PDE4D: variants seen among roughly 807,000 people sequenced by gnomAD.
PDE4D encodes the protein phosphodiesterase 4D.
PDE4D carries 24 observed loss-of-function variants against 87.4 expected under a neutral mutation model. That is an observed-to-expected ratio of 0.27 (90% CI 0.20 to 0.39). The LOEUF is 0.39. Ranked by LOEUF, PDE4D falls within the 10% of genes least tolerant of loss-of-function variation. PDE4D has a pLI of 1.00. For missense variants in PDE4D, 714 were observed against 1,041.0 expected, an observed-to-expected ratio of 0.69 and a Z score of 4.32; for synonymous variants, 384 against 383.2, an observed-to-expected ratio of 1.00 and a Z score of -0.02.
chr5:59,922,920 A>T (rs1754829125), intron 3 of PDE4D, among the ~76,000 whole-genome samples: 1 of 152,074 alleles, frequency 6.6e-6, no homozygotes. Flanking sequence ...CTCCCATTCC[A>T]GGCCCTGGCT....
intron 1 of PDE4D, among the ~76,000 whole-genome samples, chr5:59,782,649 T>C (rs1433410741): frequency 1.3e-5 from 2 of 152,210 alleles, no homozygotes; most frequent in Non-Finnish European, 2.9e-5. Context: ...TATAAAGGAA[T>C]TTAAAGTCCT....
intron 1 of PDE4D, among the ~76,000 whole-genome samples, chr5:59,695,800 G>A (rs141500115): frequency 1.4e-4 from 22 of 151,764 alleles, no homozygotes; most frequent in African/African-American, 5.1e-4. Context: ...GTAGAGATGG[G>A]GTTTCACCAC....
At chr5:59,597,387 G>A (rs1296532096) in intron 1 of PDE4D, among the ~76,000 whole-genome samples, 1 of 152,054 alleles carries the variant, frequency 6.6e-6, no homozygotes. Flanking sequence ...TAGATGTTCT[G>A]GAGACTGTTC....
chr5:59,827,511 T>C (rs545057366), intron 1 of PDE4D, among the ~76,000 whole-genome samples: 9 of 152,294 alleles, frequency 5.9e-5, no homozygotes, highest in Non-Finnish European at 1.0e-4. Flanking sequence ...TGCTGATTAA[T>C]TAAACCATTC....
intron 5 of PDE4D, among the ~76,000 whole-genome samples, chr5:59,046,381 T>C (rs1760668848): frequency 6.6e-6 from 1 of 151,514 alleles, no homozygotes; most frequent in African/African-American, 2.4e-5. Flanking sequence ...TGTGTGTGCA[T>C]GTATGTAAGG....
intron 1 of PDE4D, among the ~76,000 whole-genome samples, chr5:60,431,298 G>A (rs1253393955): frequency 2.0e-5 from 3 of 149,704 alleles, no homozygotes; most frequent in Non-Finnish European, 4.4e-5. Context: ...CGGGCGGAGG[G>A]GCTCCTCACT....
intron 1 of PDE4D, among the ~76,000 whole-genome samples, chr5:59,807,980 A>T (rs943830886): frequency 5.3e-5 from 8 of 152,214 alleles, no homozygotes; most frequent in African/African-American, 1.7e-4. Flanking sequence ...ATGGATGCCC[A>T]TCATTCATTT....
chr5:60,231,899 G>A (rs1193062629), intron 1 of PDE4D, among the ~76,000 whole-genome samples: 3 of 151,932 alleles, frequency 2.0e-5, no homozygotes, highest in East Asian at 3.9e-4. Context: ...ATAGTTGTAT[G>A]CCAAAAATGA....
rs112396981 is a variant in PDE4D, at chr5:59,273,101, A to G, written c.456-57133T>C. ...CAAGAACAAAGTATTTTGGAGATCA[A>G]CCTGGAAACAAATAAACATCTGAAA... is the stretch of plus-strand genomic sequence containing the variant. On this transcript the variant is annotated intron_variant, in intron 1 of 14. Coordinates refer to ENST00000340635, the MANE Select transcript of PDE4D (RefSeq NM_001104631.2). Among the ~76,000 whole-genome samples, 10 of 152,308 alleles carry G rather than the reference A, an allele frequency of 6.6e-5. 3 individuals are homozygous for G. Among genetic ancestry groups the G allele is most frequent in the African/African-American group, 2.4e-4 (10 of 41,588 alleles).
At chr5:59,485,417 T>C (rs907939869) in intron 1 of PDE4D, among the ~76,000 whole-genome samples, 1 of 152,088 alleles carries the variant, frequency 6.6e-6, no homozygotes, top group Admixed American at 6.6e-5. Flanking sequence ...AAAAAAGATA[T>C]ACCCAGGAAA....
chr5:60,215,991 A>T (rs961221698), intron 1 of PDE4D, among the ~76,000 whole-genome samples: 1 of 152,144 alleles, frequency 6.6e-6, no homozygotes, highest in Non-Finnish European at 1.5e-5. Flanking sequence ...TTTTATACTC[A>T]TGTTGGAGAA....
At chr5:59,604,878 A>C (rs1473706968) in intron 1 of PDE4D, among the ~76,000 whole-genome samples, 1 of 152,074 alleles carries the variant, frequency 6.6e-6, no homozygotes, top group Non-Finnish European at 1.5e-5. Context: ...TAAACCATAC[A>C]TACCATTTCA....
intron 1 of PDE4D, chr5:60,431,251 G>T (rs953622711): frequency 5.1e-6 from 1 of 197,194 alleles, no homozygotes; most frequent in Non-Finnish European, 1.0e-5. Context: ...TGGCTGCCAG[G>T]CGGAGGGGCT....
intron 5 of PDE4D, among the ~76,000 whole-genome samples, chr5:59,095,283 ACAATCTCATAATGAGG>A (rs977907806): frequency 1.3e-4 from 19 of 151,284 alleles, no homozygotes; most frequent in African/African-American, 3.9e-4. Flanking sequence ...ATATTCATTA[ACAATCTCATAATGAGG>A]CATTCTAGAT....
At chr5:59,038,752 G>A (rs1759021150) in intron 6 of PDE4D, 107 bp downstream of exon 6, 1 of 1,091,562 alleles carries the variant, frequency 9.2e-7, no homozygotes, top group East Asian at 3.1e-5. Flanking sequence ...CATGCAGTAA[G>A]CCTAAAAAAC....
chr5:59,647,627 A>G (rs1039255628), intron 1 of PDE4D, among the ~76,000 whole-genome samples: 8 of 152,150 alleles, frequency 5.3e-5, no homozygotes, highest in African/African-American at 1.9e-4. Context: ...GATAAGACTG[A>G]AGAAGGATGG....
intron 1 of PDE4D, among the ~76,000 whole-genome samples, chr5:59,332,942 T>A (rs1035512084): frequency 5.3e-5 from 8 of 152,220 alleles, no homozygotes. Context: ...GCTGCCTCTT[T>A]GCAAATGGTG....
At chr5:59,637,459 G>T (rs928208255) in intron 1 of PDE4D, among the ~76,000 whole-genome samples, 3 of 151,906 alleles carry the variant, frequency 2.0e-5, no homozygotes, top group Non-Finnish European at 4.4e-5. Context: ...TATGTTTATT[G>T]CAGGACTATT....
At chr5:60,480,255 AC>A (rs2150213971) in intron 1 of PDE4D, among the ~76,000 whole-genome samples, 1 of 152,298 alleles carries the variant, frequency 6.6e-6, no homozygotes, top group East Asian at 1.9e-4. Context: ...GACTGAATAA[AC>A]TTCAGCTATC....
Sources: allele counts gnomAD v4.1 joint callset (sites outside exome capture counted in the v4.1 genomes callset), GRCh38; gene constraint gnomAD v4.1.1; transcripts MANE v1.5; gene names NCBI Gene and HGNC (gene_info 2026-07-23, HGNC 2026-07-21).